DYRK1A: variants seen among roughly 807,000 people sequenced by gnomAD.
DYRK1A encodes the protein dual specificity tyrosine phosphorylation regulated kinase 1A.
Under a neutral mutation model 79.7 loss-of-function variants are expected in DYRK1A, and 9 were observed. That is an observed-to-expected ratio of 0.11 (90% CI 0.07 to 0.20). DYRK1A has a LOEUF of 0.20. Among genes scored for constraint, DYRK1A ranks in the 10% least tolerant of loss-of-function variants. The pLI is 1.00. For missense variants in DYRK1A, 622 were observed against 956.0 expected (o/e 0.65, Z 4.61); for synonymous variants, 349 against 329.7 (o/e 1.06, Z -0.63).
rs1012084149 is a variant in DYRK1A, at chr21:37,514,531, T to A, written c.*2000T>A. 6.6e-6 allele frequency: 1 copy of A among 152,646 alleles called. No individual in the cohort carries two copies. The allele number at this position is 152,646 out of a possible 1,614,324, so 9.5% of individuals were successfully genotyped here. A position where few individuals can be genotyped will look rare whatever the true frequency, so the allele number is the denominator to read the frequency against. On this transcript the variant is annotated 3_prime_UTR_variant, in exon 12 of 12. Coordinates refer to ENST00000647188, the MANE Select transcript of DYRK1A (RefSeq NM_001347721.2). ...TGTGGCTGACTAGGTCAATTTTTTT[T>A]CTGAACAAAAGCAGGTTTTTATATG...
rs538511577 is a variant in DYRK1A at position 37,515,646 on chromosome 21, C to T, written c.*3115C>T. 8 of 152,220 alleles carry T rather than the reference C, an allele frequency of 5.3e-5. No individual in the cohort carries two copies. In the East Asian group the frequency reaches 1.5e-3, roughly 29 times the overall value. The allele number at this position is 152,220 out of a possible 1,614,324, so 9.4% of individuals were successfully genotyped here. A position where few individuals can be genotyped will look rare whatever the true frequency, so the allele number is the denominator to read the frequency against. ...AAAGTCTTCTCTTTTTACAAATTCA[C>T]CTGCTTCAGTATATATTAAGGTGGC... is the stretch of plus-strand genomic sequence containing the variant. On this transcript the variant is annotated 3_prime_UTR_variant, in exon 12 of 12. Transcript: ENST00000647188.
At chr21:37,481,199 A>ATT (rs954251345) in intron 5 of DYRK1A, 1 of 155,942 alleles carries the variant, frequency 6.4e-6, no homozygotes, top group Non-Finnish European at 1.4e-5. Context: ...AGAGAAAAGA[A>ATT]TTACCATGTT....
intron 11 of DYRK1A, among the ~76,000 whole-genome samples, chr21:37,510,200 G>A (rs1442767931): frequency 1.3e-5 from 2 of 152,174 alleles, no homozygotes; most frequent in East Asian, 1.9e-4. Context: ...GTTTCAAAGG[G>A]TAATGTGATT....
At chr21:37,471,637 G>GCC (rs535494821) in intron 2 of DYRK1A, among the ~76,000 whole-genome samples, 70 of 152,288 alleles carry the variant, frequency 4.6e-4, no homozygotes, top group Non-Finnish European at 8.2e-4. Context: ...GGTATGCATG[G>GCC]CCATACAGCT....
intron 1 of DYRK1A, among the ~76,000 whole-genome samples, chr21:37,411,778 T>C (rs1370900117): frequency 2.0e-5 from 3 of 152,250 alleles, no homozygotes; most frequent in Non-Finnish European, 4.4e-5. Flanking sequence ...GACAATTCCC[T>C]GCAGTTTCTC....
intron 11 of DYRK1A, 49 bp from the exon 12 acceptor site, chr21:37,511,862 G>C (rs373003428): frequency 1.3e-6 from 2 of 1,573,450 alleles, no homozygotes; most frequent in Non-Finnish European, 1.7e-6. Flanking sequence ...GAAGATTAAA[G>C]CTTGGAAACA....
chr21:37,431,713 T>TA (rs781147319), intron 2 of DYRK1A, among the ~76,000 whole-genome samples: 63 of 152,222 alleles, frequency 4.1e-4, no homozygotes, highest in Non-Finnish European at 7.6e-4. Context: ...AGACCAGCTA[T>TA]ACCCCCTAAA....
intron 1 of DYRK1A, among the ~76,000 whole-genome samples, chr21:37,409,892 A>G (rs1026019434): frequency 6.6e-6 from 1 of 152,212 alleles, no homozygotes; most frequent in African/African-American, 2.4e-5. Flanking sequence ...ACACAACATC[A>G]TATCTGTGTT....
chr21:37,475,812 T>C (rs1045028540), intron 3 of DYRK1A, among the ~76,000 whole-genome samples: 1 of 152,158 alleles, frequency 6.6e-6, no homozygotes, highest in Non-Finnish European at 1.5e-5. Context: ...TTTTTGATTA[T>C]ATGTGATTTT....
Position 37,516,980 on chromosome 21 carries a change from A to T in DYRK1A, c.*4449A>T, listed in dbSNP as rs1424298134. The stretch of plus-strand genomic sequence containing the variant: ...CCCCATAATTTCCCATCTTTAGGGT[A>T]TGTCCCTGTTATCAGGTGTGGAATT... On this transcript the variant is annotated 3_prime_UTR_variant, in exon 12 of 12. Coordinates refer to ENST00000647188, the MANE Select transcript of DYRK1A (RefSeq NM_001347721.2). 2.0e-5 allele frequency: 3 copies of T among 152,124 alleles called. No individual in the cohort carries two copies. The highest frequency in any genetic ancestry group is 2.9e-5 in the Non-Finnish European group (2 of 68,028). The allele number at this position is 152,124 out of a possible 1,614,324, so 9.4% of individuals were successfully genotyped here. A position where few individuals can be genotyped will look rare whatever the true frequency, so the allele number is the denominator to read the frequency against.
chr21:37,490,392 T>C lies in DYRK1A; in HGVS notation c.855T>C (p.Leu285=), dbSNP rs781455449. Reference sequence around the variant, plus strand: ...GTGATCTAAAACCTGAAAATATCCTTCTTTGTAACCCCAAACGCAGTGCAA... The same window carrying C: ...GTGATCTAAAACCTGAAAATATCCTCCTTTGTAACCCCAAACGCAGTGCAA... ...IHCDLKPENI[L]LCNPKRSAIK... Residue 285 remains leucine, a synonymous_variant, in exon 7 of 12, where the codon CTT becomes CTC. Coordinates refer to ENST00000647188, the MANE Select transcript of DYRK1A (RefSeq NM_001347721.2). 48 of 1,613,542 alleles carry C rather than the reference T, an allele frequency of 3.0e-5. 1 individual carries two copies. The South Asian group carries it at 4.4e-4, about 15-fold the overall frequency.
At chr21:37,438,023 T>C (rs1023463448) in intron 2 of DYRK1A, among the ~76,000 whole-genome samples, 13 of 152,300 alleles carry the variant, frequency 8.5e-5, no homozygotes, top group African/African-American at 2.9e-4. Flanking sequence ...GGTCAGCCTT[T>C]TTAATTTTAG....
rs1359851627 is a variant in DYRK1A at position 37,432,972 on chromosome 21, T to C, written c.10+12588T>C. 2.9e-5 allele frequency among the ~76,000 whole-genome samples: 4 copies of C among 137,568 alleles called. No homozygotes were observed. In the South Asian group the frequency reaches 9.0e-4, roughly 31 times the overall value. 90.2% of individuals were successfully genotyped at this position (137,568 alleles called of 152,430 possible). On this transcript the variant is annotated intron_variant, in intron 2 of 11. Coordinates refer to ENST00000647188, the MANE Select transcript of DYRK1A (RefSeq NM_001347721.2). ...GCCTGGGCAAAAGAGCAAAACTCCA[T>C]CTAAAAAAAAAAAAAAAAGTTAATG...
intron 2 of DYRK1A, among the ~76,000 whole-genome samples, chr21:37,462,191 C>T (rs1288818037): frequency 3.3e-5 from 5 of 152,010 alleles, no homozygotes; most frequent in Admixed American, 1.3e-4. Flanking sequence ...GAATACAGAC[C>T]ACATTTTCTT....
intron 1 of DYRK1A, among the ~76,000 whole-genome samples, chr21:37,392,735 G>A (rs2049894613): frequency 6.6e-6 from 1 of 152,228 alleles, no homozygotes; most frequent in Admixed American, 6.5e-5. Context: ...ACTGGTCATA[G>A]TCTGTGCTGC....
chr21:37,414,789 A>G (rs1215247849), intron 1 of DYRK1A, among the ~76,000 whole-genome samples: 1 of 152,198 alleles, frequency 6.6e-6, no homozygotes, highest in African/African-American at 2.4e-5. Flanking sequence ...TTTTGAGAAT[A>G]TCTATTCACA....
At chr21:37,473,164 T>G (rs556110935) in intron 3 of DYRK1A, among the ~76,000 whole-genome samples, 1 of 152,306 alleles carries the variant, frequency 6.6e-6, no homozygotes. Context: ...AAGAAAAAGC[T>G]TATTTTTATG....
At chr21:37,498,174 A>G (rs776084762) in intron 9 of DYRK1A, among the ~76,000 whole-genome samples, 15 of 152,286 alleles carry the variant, frequency 9.8e-5, no homozygotes, top group Middle Eastern at 3.4e-3. Context: ...AATAAATACT[A>G]TATATTTTTT....
intron 2 of DYRK1A, among the ~76,000 whole-genome samples, chr21:37,463,879 A>C (rs1275427580): frequency 1.3e-5 from 2 of 152,196 alleles, no homozygotes; most frequent in African/African-American, 2.4e-5. Context: ...CCTCAGCCTC[A>C]TAAGTTTCCA....
Sources: gnomAD v4.1 joint callset for allele counts (sites outside exome capture counted in the v4.1 genomes callset) on GRCh38, gnomAD v4.1.1 for gene constraint, MANE v1.5 for transcripts, NCBI Gene and HGNC (gene_info 2026-07-23, HGNC 2026-07-21) for gene names.